The following PRKN variants were observed in gnomAD, a reference collection of about 807,000 sequenced individuals.
PRKN encodes E3 ubiquitin-protein ligase parkin.
PRKN carries 56 observed loss-of-function variants against 59.5 expected under a neutral mutation model. That is an observed-to-expected ratio of 0.94 (90% confidence interval 0.76 to 1.18). The LOEUF (loss-of-function observed/expected upper bound fraction) is 1.18, where lower values mean the gene tolerates loss of function less well. PRKN is among the 50% of genes most tolerant of loss of function. The pLI is 0.00. For missense variants in PRKN, 657 were observed against 596.4 expected, an observed-to-expected ratio of 1.10 and a Z score of -1.06; for synonymous variants, 250 against 222.1, an observed-to-expected ratio of 1.13 and a Z score of -1.12.
At chr6:161,556,945 AAT>A (rs541649016) in intron 8 of PRKN, among the ~76,000 whole-genome samples, 41 of 152,362 alleles carry the variant, frequency 2.7e-4, no homozygotes, top group Admixed American at 1.3e-3. Flanking sequence ...AGCTATTAAA[AAT>A]AGTTTGCAAA....
intron 6 of PRKN, among the ~76,000 whole-genome samples, chr6:161,827,571 G>A (rs1792299810): frequency 6.8e-6 from 1 of 146,760 alleles, no homozygotes; most frequent in Admixed American, 6.9e-5. Context: ...GTGCAGTGGC[G>A]TGATCTCGGC....
chr6:161,775,043 A>C (rs1789863399), intron 7 of PRKN, among the ~76,000 whole-genome samples: 1 of 152,142 alleles, frequency 6.6e-6, no homozygotes, highest in South Asian at 2.1e-4. Flanking sequence ...GGAGCTAGAA[A>C]GAGAATGGAC....
intron 3 of PRKN, among the ~76,000 whole-genome samples, chr6:162,236,506 G>C (rs1778723395): frequency 6.6e-6 from 1 of 152,070 alleles, no homozygotes; most frequent in Non-Finnish European, 1.5e-5. Flanking sequence ...GAAAGCCCAA[G>C]CTTGGTGTGG....
At chr6:162,712,367 G>A (rs1778569126) in intron 1 of PRKN, among the ~76,000 whole-genome samples, 1 of 152,130 alleles carries the variant, frequency 6.6e-6, no homozygotes, top group African/African-American at 2.4e-5. Flanking sequence ...TCTAACCCCA[G>A]ACAAAGAGCA....
In PRKN at chr6:161,414,319, T is replaced by C. The variant is rs771896416; in HGVS notation, c.1084-27442A>G. 1.3e-5 allele frequency among the ~76,000 whole-genome samples: 2 copies of C among 152,160 alleles called. No homozygotes were observed. The highest frequency in any genetic ancestry group is 4.1e-4 in the South Asian group (2 of 4,830). On this transcript the variant is annotated intron_variant, in intron 9 of 11. Coordinates refer to ENST00000366898, the MANE Select transcript of PRKN (RefSeq NM_004562.3). The surrounding 1 kb of genome is among the most constrained non-coding windows in gnomAD (Gnocchi z 5.3). The stretch of plus-strand genomic sequence containing the variant: ...TCACAGGCAGCGGCCAGTCTCTGTG[T>C]TCTCGGGCGCTCTGTGTCAGGTCCT...
At chr6:162,137,230 T>C (rs1353783653) in intron 4 of PRKN, among the ~76,000 whole-genome samples, 1 of 152,182 alleles carries the variant, frequency 6.6e-6, no homozygotes. Context: ...AAGAATATTA[T>C]TGTGTTGCAC....
At chr6:162,067,596 GTTC>G (rs980736890) in intron 4 of PRKN, among the ~76,000 whole-genome samples, 75 of 152,292 alleles carry the variant, frequency 4.9e-4, no homozygotes, top group African/African-American at 1.8e-3. Flanking sequence ...TACCAAATGT[GTTC>G]TATAGTCCAT....
rs117082733 is a variant in PRKN at position 161,648,835 on chromosome 6, T to G, written c.872-79419A>C. 5.0e-3 allele frequency among the ~76,000 whole-genome samples: 755 copies of G among 152,250 alleles called. 17 individuals carry two copies. The East Asian group carries it at 0.063, about 13-fold the overall frequency. On this transcript the variant is annotated intron_variant, in intron 7 of 11. Transcript: ENST00000366898. The stretch of plus-strand genomic sequence containing the variant: ...TGTCCTAGAGCCAAAAACACAGCCA[T>G]AGAGTCAACCATGAACTTGGAAAAT...
intron 2 of PRKN, among the ~76,000 whole-genome samples, chr6:162,414,569 C>G (rs6937726): frequency 0.56 from 84,979 of 150,502 alleles, 25,046 homozygotes; most frequent in African/African-American, 0.74. Context: ...AAATTAGCCG[C>G]GCATGGTTGG....
chr6:162,296,650 T>C (rs1781691481), intron 2 of PRKN, among the ~76,000 whole-genome samples: 1 of 152,118 alleles, frequency 6.6e-6, no homozygotes, highest in South Asian at 2.1e-4. Context: ...TTTAAAAACA[T>C]TAAAATGTGC....
In PRKN at chr6:161,961,661, C is replaced by A. The variant is rs536799309; in HGVS notation, c.734+11641G>T. On this transcript the variant is annotated intron_variant, in intron 6 of 11. Coordinates refer to ENST00000366898, the MANE Select transcript of PRKN (RefSeq NM_004562.3). The stretch of plus-strand genomic sequence containing the variant: ...GAGAGTGTCCCCGTCGACGGCTTTC[C>A]CTGCCATCGACAGAAATGCATCAGG... Among the ~76,000 whole-genome samples, 38 of 152,252 alleles carry A rather than the reference C, an allele frequency of 2.5e-4. No homozygotes were observed. In the East Asian group the frequency reaches 7.1e-3, roughly 29 times the overall value.
intron 9 of PRKN, among the ~76,000 whole-genome samples, chr6:161,425,237 G>A (rs1373759252): frequency 1.3e-5 from 2 of 152,120 alleles, no homozygotes; most frequent in African/African-American, 4.8e-5. Flanking sequence ...AGATTGAACT[G>A]TACAGCCCAC....
intron 6 of PRKN, among the ~76,000 whole-genome samples, chr6:161,900,728 T>C (rs1416213055): frequency 1.5e-5 from 2 of 130,122 alleles, no homozygotes; most frequent in Admixed American, 8.6e-5. Flanking sequence ...TAATACATTA[T>C]GTATAACATA....
chr6:162,345,611 T>C (rs1353498558), intron 2 of PRKN, among the ~76,000 whole-genome samples: 1 of 152,244 alleles, frequency 6.6e-6, no homozygotes, highest in Non-Finnish European at 1.5e-5. Context: ...ATATTTTTGA[T>C]GCACGCAATT....
chr6:161,724,408 G>C (rs946274213), intron 7 of PRKN, among the ~76,000 whole-genome samples: 1 of 152,222 alleles, frequency 6.6e-6, no homozygotes, highest in Admixed American at 6.5e-5. Context: ...GAAAAATATG[G>C]TAAGCGTTCA....
At chr6:161,800,289 T>C (rs112810002) in intron 6 of PRKN, among the ~76,000 whole-genome samples, 2 of 152,296 alleles carry the variant, frequency 1.3e-5, no homozygotes, top group African/African-American at 4.8e-5. Context: ...GTCTCCTACC[T>C]AGCTTTGCTT....
intron 6 of PRKN, among the ~76,000 whole-genome samples, chr6:161,846,292 A>G (rs1050266754): frequency 7.2e-5 from 11 of 152,182 alleles, no homozygotes; most frequent in African/African-American, 2.7e-4. Flanking sequence ...ACTTTTCTCA[A>G]GGGTTACTAT....
chr6:161,947,311 A>G (rs535222036), intron 6 of PRKN, among the ~76,000 whole-genome samples: 44 of 152,326 alleles, frequency 2.9e-4, no homozygotes, highest in Non-Finnish European at 6.2e-4. Flanking sequence ...AGAAAAAAGT[A>G]GCAGAAGTTC....
chr6:162,581,433 T>A (rs567466903), intron 1 of PRKN, among the ~76,000 whole-genome samples: 1 of 152,212 alleles, frequency 6.6e-6, no homozygotes, highest in Non-Finnish European at 1.5e-5. Context: ...ATGACTTACA[T>A]AAAGAATTTG....
Sources: gnomAD v4.1 joint callset for allele counts (sites outside exome capture counted in the v4.1 genomes callset) on GRCh38, gnomAD v4.1.1 for gene constraint, Gnocchi (gnomAD v3.1) non-coding constraint, MANE v1.5 for transcripts, NCBI Gene and HGNC (gene_info 2026-07-23, HGNC 2026-07-21) for gene names.